EIF2AK3: variants seen among roughly 807,000 people sequenced by gnomAD.
EIF2AK3 encodes the protein eukaryotic translation initiation factor 2-alpha kinase 3.
A neutral mutation model predicts 113.5 loss-of-function variants in EIF2AK3; 50 were observed. That is an observed-to-expected ratio of 0.44 (90% CI 0.35 to 0.56). The LOEUF is 0.56. Ranked by LOEUF, EIF2AK3 falls within the 20% of genes least tolerant of loss-of-function variation. The pLI is 0.00. For synonymous variants in EIF2AK3, 448 were observed against 495.4 expected (o/e 0.90, Z 1.27); for missense variants, 1,185 against 1,378.0 (o/e 0.86, Z 2.22).
chr2:88,587,204 CAAAAAAA>C (rs780050125), intron 8 of EIF2AK3, among the ~76,000 whole-genome samples: 24 of 30,276 alleles, frequency 7.9e-4, no homozygotes, highest in South Asian at 1.7e-3. Flanking sequence ...AACTCCATCT[CAAAAAAA>C]AAAAAAAAAA....
intron 15 of EIF2AK3, among the ~76,000 whole-genome samples, chr2:88,561,266 T>TAAAATGACTTTCAGTCATCCC: frequency 6.7e-6 from 1 of 149,968 alleles, no homozygotes; most frequent in East Asian, 2.0e-4. Flanking sequence ...AGGGCTACTT[T>TAAAATGACTTTCAGTCATCCC]TTTTTTTTTT....
chr2:88,585,249 T>C (rs1262074806), intron 9 of EIF2AK3, among the ~76,000 whole-genome samples: 1 of 152,016 alleles, frequency 6.6e-6, no homozygotes, highest in Admixed American at 6.6e-5. Flanking sequence ...CAAAATGATT[T>C]CATGGCTTTC....
At chr2:88,612,949 A>G (rs1675490828) in intron 2 of EIF2AK3, among the ~76,000 whole-genome samples, 1 of 152,224 alleles carries the variant, frequency 6.6e-6, no homozygotes, top group African/African-American at 2.4e-5. Context: ...GTCACCACTC[A>G]AAAGATGGAC....
chr2:88,620,840 A>G (rs987994274), intron 1 of EIF2AK3, among the ~76,000 whole-genome samples: 1 of 152,238 alleles, frequency 6.6e-6, no homozygotes, highest in Non-Finnish European at 1.5e-5. Flanking sequence ...TCAGGCTTGG[A>G]GCTTCCTACG....
intron 12 of EIF2AK3, among the ~76,000 whole-genome samples, chr2:88,575,849 T>C (rs1674445682): frequency 6.6e-6 from 1 of 152,198 alleles, no homozygotes; most frequent in Non-Finnish European, 1.5e-5. Flanking sequence ...GAGTCTATAA[T>C]AAGCACCACT....
intron 1 of EIF2AK3, among the ~76,000 whole-genome samples, chr2:88,623,159 CTT>C (rs1432481537): frequency 6.6e-6 from 1 of 152,200 alleles, no homozygotes; most frequent in East Asian, 1.9e-4. Flanking sequence ...CCAAGTAACA[CTT>C]TGCAATTTGC....
At chr2:88,559,734 T>A (rs1391284095) in intron 15 of EIF2AK3, among the ~76,000 whole-genome samples, 1 of 152,200 alleles carries the variant, frequency 6.6e-6, no homozygotes, top group Admixed American at 6.5e-5. Flanking sequence ...TGTGTCTGGC[T>A]TTTTTCACTC....
intron 2 of EIF2AK3, among the ~76,000 whole-genome samples, chr2:88,603,661 T>G (rs1365600299): frequency 6.6e-6 from 1 of 152,196 alleles, no homozygotes; most frequent in Non-Finnish European, 1.5e-5. Context: ...TCTCTCAATT[T>G]TCTCTAACTT....
At position 88,590,800 on chromosome 2, in the gene EIF2AK3, C is replaced by T; in HGVS notation, c.1002+18G>A. 2.5e-6 allele frequency: 4 copies of T among 1,612,800 alleles called. No individual in the cohort carries two copies. The highest frequency in any genetic ancestry group is 3.3e-4 in the Middle Eastern group (2 of 6,054). On this transcript the variant is annotated intron_variant, in intron 5 of 16. Coordinates refer to ENST00000303236, the MANE Select transcript of EIF2AK3 (RefSeq NM_004836.7). ...GAGAGGAAGAACCGTATTTTAAATC[C>T]TCAGTGGTGTTAGGTACCTGGTACT...
intron 2 of EIF2AK3, among the ~76,000 whole-genome samples, chr2:88,603,293 TCCA>T (rs1675198182): frequency 6.6e-6 from 1 of 152,224 alleles, no homozygotes; most frequent in South Asian, 2.1e-4. Context: ...AAAATCGCTC[TCCA>T]CAACTAACTT....
intron 4 of EIF2AK3, among the ~76,000 whole-genome samples, chr2:88,592,500 A>G (rs1674912831): frequency 6.6e-6 from 1 of 152,196 alleles, no homozygotes; most frequent in African/African-American, 2.4e-5. Flanking sequence ...ACCGTGGCTC[A>G]TGCCTGTAAT....
chr2:88,625,209 C>A (rs1675828284), intron 1 of EIF2AK3, among the ~76,000 whole-genome samples: 1 of 151,426 alleles, frequency 6.6e-6, no homozygotes, highest in Non-Finnish European at 1.5e-5. Flanking sequence ...ATACAGTCGG[C>A]TCTAACCTAT....
rs1674430351 is a variant in EIF2AK3, at chr2:88,575,354, T to G, written c.2129A>C (p.Glu710Ala). Residue 710 changes from glutamate to alanine, a missense_variant, in exon 13 of 17, where the codon GAA becomes GCA. This residue lies in a region of EIF2AK3 where 877 missense variants were observed against 1,024.2 expected (regional missense o/e 0.86). Coordinates refer to ENST00000303236, the MANE Select transcript of EIF2AK3 (RefSeq NM_004836.7). ...TCTTTGTGGTGAAGGAGCTATGATTTCAATATGTTCTTTTGTAGCGAAAGG... is the reference window on the plus strand; with the variant it reads ...TCTTTGTGGTGAAGGAGCTATGATTGCAATATGTTCTTTTGTAGCGAAAGG... ...MDPFATKEHI[E>A]IIAPSPQRSR... 1 of 1,614,182 alleles carries G rather than the reference T, an allele frequency of 6.2e-7. No homozygotes were observed. Among genetic ancestry groups the G allele is most frequent in the Non-Finnish European group, 8.5e-7 (1 of 1,180,024 alleles).
At chr2:88,578,521 A>G (rs977748034) in intron 11 of EIF2AK3, among the ~76,000 whole-genome samples, 2 of 152,084 alleles carry the variant, frequency 1.3e-5, no homozygotes, top group Admixed American at 6.5e-5. Context: ...CATCTCTACT[A>G]AAAATACAAA....
chr2:88,572,515 T>G (rs1674339194), intron 13 of EIF2AK3, among the ~76,000 whole-genome samples: 1 of 152,170 alleles, frequency 6.6e-6, no homozygotes, highest in South Asian at 2.1e-4. Flanking sequence ...AAATTTCTGA[T>G]AGTGGGAAAA....
intron 1 of EIF2AK3, among the ~76,000 whole-genome samples, chr2:88,625,314 CACACACACACACAG>C (rs975066523): frequency 4.7e-5 from 7 of 147,562 alleles, no homozygotes; most frequent in African/African-American, 1.7e-4. Flanking sequence ...CACACACACA[CACACACACACACAG>C]ACATACACAG....
At chr2:88,562,209 TAA>T in intron 15 of EIF2AK3, 78 bp downstream of exon 15, 6 of 1,147,340 alleles carry the variant, frequency 5.2e-6, no homozygotes, top group Non-Finnish European at 7.8e-6. Flanking sequence ...TAAGAAGAAC[TAA>T]GTCTTTAAAA....
chr2:88,575,036 G>A lies in EIF2AK3; in HGVS notation c.2447C>T (p.Ala816Val), dbSNP rs569324630. 1 of 1,614,182 alleles carries A rather than the reference G, an allele frequency of 6.2e-7. No individual in the cohort carries two copies. The highest frequency in any genetic ancestry group is 1.1e-5 in the South Asian group (1 of 91,082). Residue 816 changes from alanine to valine, a missense_variant, in exon 13 of 17, where the codon GCT becomes GTT. Transcript: ENST00000303236. The part of the protein sequence containing the change: ...IVFEDSGCDN[A>V]SSKEEPKTNR... ...AGTTTTCGGCTCTTCTTTACTGGAA[G>A]CATTATCACAGCCAGAATCTTCAAA...
At chr2:88,612,699 G>A (rs763378760) in intron 2 of EIF2AK3, among the ~76,000 whole-genome samples, 15 of 152,166 alleles carry the variant, frequency 9.9e-5, no homozygotes, top group African/African-American at 1.9e-4. Context: ...TTATAGATGC[G>A]TCACTGGTAG....
Sources: gnomAD v4.1 joint callset for allele counts (sites outside exome capture counted in the v4.1 genomes callset) on GRCh38, gnomAD v4.1.1 for gene constraint, gnomAD v4.1.1 regional missense constraint, MANE v1.5 for transcripts, NCBI Gene and HGNC (gene_info 2026-07-23, HGNC 2026-07-21) for gene names.